ERBB4: variants seen among roughly 807,000 people sequenced by gnomAD.
ERBB4 encodes the protein erb-b2 receptor tyrosine kinase 4, also known as receptor tyrosine-protein kinase erbB-4.
A neutral mutation model predicts 158.0 loss-of-function variants in ERBB4; 42 were observed. The ratio of observed to expected loss-of-function variants is 0.27; its 90% CI spans 0.21 to 0.34. The LOEUF (loss-of-function observed/expected upper bound fraction) is 0.34, where lower values mean the gene tolerates loss of function less well. Ranked by LOEUF, ERBB4 falls within the 10% of genes least tolerant of loss-of-function variation. ERBB4 has a pLI of 1.00. For synonymous variants in ERBB4, 583 were observed against 558.7 expected, an observed-to-expected ratio of 1.04 and a Z score of -0.61; for missense variants, 1,333 against 1,624.1, an observed-to-expected ratio of 0.82 and a Z score of 3.08.
At chr2:211,392,578 A>G (rs1295355802) in intron 25 of ERBB4, among the ~76,000 whole-genome samples, 1 of 150,474 alleles carries the variant, frequency 6.6e-6, no homozygotes, top group Non-Finnish European at 1.5e-5. Flanking sequence ...ACACACACAC[A>G]CACACACACA....
chr2:212,315,998 A>G (rs954938461), intron 1 of ERBB4, among the ~76,000 whole-genome samples: 1 of 151,504 alleles, frequency 6.6e-6, no homozygotes, highest in Non-Finnish European at 1.5e-5. Flanking sequence ...GGAAGTAAAA[A>G]GCTAAATATT....
intron 1 of ERBB4, among the ~76,000 whole-genome samples, chr2:212,337,849 T>G (rs1310658182): frequency 6.8e-6 from 1 of 146,730 alleles, no homozygotes; most frequent in Non-Finnish European, 1.5e-5. Context: ...AATTGCTCCC[T>G]TTGTTTGGGT....
In ERBB4 at chr2:211,877,532, G is replaced by T. The variant is rs553621236; in HGVS notation, c.421+69898C>A. On this transcript the variant is annotated intron_variant, in intron 3 of 27. Coordinates refer to ENST00000342788, the MANE Select transcript of ERBB4 (RefSeq NM_005235.3). ...ATACTTTCGGGGTTTTTCTGAGAAC[G>T]TATCTGATTATGCCGCCTTCCTCTT... Among the ~76,000 whole-genome samples, 12 of 149,836 alleles carry T rather than the reference G, an allele frequency of 8.0e-5. No individual in the cohort carries two copies. The South Asian group carries it at 2.3e-3, about 29-fold the overall frequency.
intron 19 of ERBB4, among the ~76,000 whole-genome samples, chr2:211,577,852 A>G (rs550724798): frequency 6.9e-4 from 105 of 152,346 alleles, no homozygotes; most frequent in Non-Finnish European, 1.2e-3. Context: ...CACAGTCAGT[A>G]TCATACCAAA....
chr2:212,247,938 T>C (rs984128063), intron 1 of ERBB4, among the ~76,000 whole-genome samples: 5 of 152,178 alleles, frequency 3.3e-5, no homozygotes, highest in South Asian at 2.1e-4. Flanking sequence ...CACACCAGCC[T>C]GAGTGACAGA....
chr2:211,477,726 T>C (rs2125540473), intron 20 of ERBB4, among the ~76,000 whole-genome samples: 1 of 152,284 alleles, frequency 6.6e-6, no homozygotes, highest in East Asian at 1.9e-4. Context: ...AGCTAACTCA[T>C]ATCAGTGAGT....
chr2:212,190,194 A>G (rs1181266302), intron 1 of ERBB4, among the ~76,000 whole-genome samples: 1 of 152,220 alleles, frequency 6.6e-6, no homozygotes, highest in African/African-American at 2.4e-5. Context: ...CATTATCACT[A>G]GAGAGTTCTT....
chr2:211,712,193 CAG>C lies in ERBB4; in HGVS notation c.998-19_998-18del. On this transcript the variant is annotated intron_variant, in intron 8 of 27. Transcript: ENST00000342788. ...CATCACAAGCTGTAGAAACAAGACTCAGAGTTAGGGGATTGAGAAACTTATTT... is the reference window on the plus strand; with the variant it reads ...CATCACAAGCTGTAGAAACAAGACTCAGTTAGGGGATTGAGAAACTTATTT... 3.7e-6 allele frequency: 6 copies of C among 1,613,106 alleles called. No homozygotes were observed. Among genetic ancestry groups the C allele is most frequent in the Non-Finnish European group, 5.1e-6 (6 of 1,179,228 alleles).
At chr2:212,475,184 A>G (rs73063156) in intron 1 of ERBB4, among the ~76,000 whole-genome samples, 13,996 of 152,122 alleles carry the variant, frequency 0.092, 1,730 homozygotes, top group African/African-American at 0.28. Flanking sequence ...TAGCTATGCC[A>G]GCTTTATAGA....
intron 20 of ERBB4, among the ~76,000 whole-genome samples, chr2:211,538,580 T>C (rs2066716494): frequency 6.6e-6 from 1 of 151,880 alleles, no homozygotes; most frequent in Non-Finnish European, 1.5e-5. Flanking sequence ...TCCATTTCAT[T>C]ATACCTGAAT....
intron 1 of ERBB4, among the ~76,000 whole-genome samples, chr2:212,303,948 T>TA: frequency 6.6e-6 from 1 of 151,618 alleles, no homozygotes; most frequent in Non-Finnish European, 1.5e-5. Context: ...ACAAATGATT[T>TA]AAAAAATAGA....
intron 1 of ERBB4, among the ~76,000 whole-genome samples, chr2:212,311,322 AAAAG>A (rs2087035410): frequency 6.6e-6 from 1 of 150,958 alleles, no homozygotes; most frequent in African/African-American, 2.4e-5. Context: ...ATAAAAGTGA[AAAAG>A]AAAGAAACAA....
intron 16 of ERBB4, among the ~76,000 whole-genome samples, chr2:211,640,256 A>T (rs1184573228): frequency 6.6e-6 from 1 of 152,146 alleles, no homozygotes; most frequent in Non-Finnish European, 1.5e-5. Flanking sequence ...TTCTACTTAC[A>T]TTGGCCTGCT....
At chr2:212,477,382 C>G (rs528790810) in intron 1 of ERBB4, among the ~76,000 whole-genome samples, 1 of 152,038 alleles carries the variant, frequency 6.6e-6, no homozygotes, top group Admixed American at 6.6e-5. Flanking sequence ...CGAAAGGAAC[C>G]GTTACAATTA....
chr2:212,263,099 G>C (rs968586646), intron 1 of ERBB4, among the ~76,000 whole-genome samples: 1 of 152,216 alleles, frequency 6.6e-6, no homozygotes, highest in South Asian at 2.1e-4. Flanking sequence ...TAAGGAGAAG[G>C]CTGCATGAAG....
rs559602941 is a variant in ERBB4, at chr2:212,403,570, C to A, written c.82+134879G>T. ...TTCAACCTTAAAAAAGAAGTAAATC[C>A]TGCAATATGTGACAAGAATGAACAT... On this transcript the variant is annotated intron_variant, in intron 1 of 27. Transcript: ENST00000342788. Among the ~76,000 whole-genome samples, 3 of 152,010 alleles carry A rather than the reference C, an allele frequency of 2.0e-5. No individual in the cohort carries two copies. The South Asian group carries it at 6.2e-4, about 32-fold the overall frequency.
chr2:211,760,679 C>T (rs1290617880), intron 4 of ERBB4, among the ~76,000 whole-genome samples: 1 of 152,098 alleles, frequency 6.6e-6, no homozygotes, highest in African/African-American at 2.4e-5. Context: ...ACTTATTTCA[C>T]TTTGTTTTTA....
intron 3 of ERBB4, among the ~76,000 whole-genome samples, chr2:211,917,498 C>T (rs936918130): frequency 6.6e-6 from 1 of 152,130 alleles, no homozygotes; most frequent in African/African-American, 2.4e-5. Context: ...AATATGGAGA[C>T]ATTAAGCAGT....
chr2:211,455,246 C>T (rs2064352055), intron 20 of ERBB4, among the ~76,000 whole-genome samples: 1 of 152,230 alleles, frequency 6.6e-6, no homozygotes, highest in Admixed American at 6.5e-5. Flanking sequence ...GCATAATCTA[C>T]TAACTGCAAG....
Sources: gnomAD v4.1 joint callset for allele counts (sites outside exome capture counted in the v4.1 genomes callset) on GRCh38, gnomAD v4.1.1 for gene constraint, MANE v1.5 for transcripts, NCBI Gene and HGNC (gene_info 2026-07-23, HGNC 2026-07-21) for gene names.